The following ZNF469 variants were observed in gnomAD, a reference collection of about 807,000 sequenced individuals.
ZNF469 encodes zinc finger protein 469.
In ZNF469, 1 loss-of-function variant was observed where a neutral mutation model predicts 1.0. That is an observed-to-expected ratio of 1.00 (90% CI 0.35 to 4.73). The LOEUF (loss-of-function observed/expected upper bound fraction) is 4.73, where lower values mean the gene tolerates loss of function less well. Ranked by LOEUF, ZNF469 falls within the 30% of genes most tolerant of loss-of-function variation. ZNF469 has a pLI of 0.16. For missense variants in ZNF469, 6,100 were observed against 5,356.3 expected, an observed-to-expected ratio of 1.14 and a Z score of -4.33; for synonymous variants, 2,703 against 2,363.4, an observed-to-expected ratio of 1.14 and a Z score of -4.17.
chr16:88,117,141 A>T, the ZNF469 span, among the ~76,000 whole-genome samples: 2 of 150,242 alleles, frequency 1.3e-5, no homozygotes, highest in South Asian at 4.3e-4. Context: ...GGCCAGGGAT[A>T]TGTGAGAGCT....
At chr16:88,276,012 G>A in the ZNF469 span, among the ~76,000 whole-genome samples, 49 of 152,288 alleles carry the variant, frequency 3.2e-4, no homozygotes, top group African/African-American at 1.1e-3. Flanking sequence ...GGACCACAGC[G>A]CTGCAGTCCT....
At chr16:88,183,337 A>G in the ZNF469 span, among the ~76,000 whole-genome samples, 3 of 152,194 alleles carry the variant, frequency 2.0e-5, no homozygotes, top group African/African-American at 7.2e-5. Flanking sequence ...CGTCCCCACC[A>G]AACCTGCACG....
the ZNF469 span, among the ~76,000 whole-genome samples, chr16:88,242,301 T>G: frequency 6.6e-6 from 1 of 152,212 alleles, no homozygotes; most frequent in African/African-American, 2.4e-5. Context: ...AAATTCAAAA[T>G]GCATTCAAAA....
the ZNF469 span, among the ~76,000 whole-genome samples, chr16:88,240,248 C>G: frequency 6.6e-6 from 1 of 152,214 alleles, no homozygotes; most frequent in East Asian, 1.9e-4. Context: ...TTCACTTAGC[C>G]ACAGTGTGGC....
the ZNF469 span, among the ~76,000 whole-genome samples, chr16:88,267,739 G>A: frequency 4.7e-5 from 7 of 149,602 alleles, no homozygotes; most frequent in African/African-American, 1.8e-4. Flanking sequence ...AGTCCAGGAG[G>A]AGGCTGTACT....
At chr16:88,207,739 G>A in the ZNF469 span, among the ~76,000 whole-genome samples, 9 of 143,502 alleles carry the variant, frequency 6.3e-5, no homozygotes, top group Non-Finnish European at 1.3e-4. Context: ...CATCGCTCCC[G>A]TCCCCACCTT....
chr16:88,143,030 C>A, the ZNF469 span, among the ~76,000 whole-genome samples: 10 of 152,174 alleles, frequency 6.6e-5, no homozygotes, highest in Admixed American at 2.6e-4. Context: ...CCCCACCTCA[C>A]CGGCCTGTGA....
At chr16:88,119,478 A>G in the ZNF469 span, among the ~76,000 whole-genome samples, 8 of 152,270 alleles carry the variant, frequency 5.3e-5, no homozygotes, top group Admixed American at 2.6e-4. Flanking sequence ...TTGGTCACCA[A>G]TTTTCCTTCC....
chr16:88,235,801 G>T, the ZNF469 span, among the ~76,000 whole-genome samples: 10 of 152,212 alleles, frequency 6.6e-5, no homozygotes, highest in African/African-American at 2.2e-4. Context: ...AGCTCCAGGG[G>T]GTCCTGAGGA....
the ZNF469 span, among the ~76,000 whole-genome samples, chr16:88,202,711 T>C: frequency 6.6e-6 from 1 of 152,136 alleles, no homozygotes; most frequent in African/African-American, 2.4e-5. Context: ...TGGGGGCGCC[T>C]CACTCCTCAC....
chr16:88,137,803 G>A, the ZNF469 span, among the ~76,000 whole-genome samples: 6 of 152,192 alleles, frequency 3.9e-5, no homozygotes, highest in Non-Finnish European at 8.8e-5. Flanking sequence ...TGTTTGATAC[G>A]AGGCATGGTC....
the ZNF469 span, among the ~76,000 whole-genome samples, chr16:88,356,813 G>C: frequency 1.3e-5 from 2 of 152,228 alleles, no homozygotes; most frequent in South Asian, 4.1e-4. Flanking sequence ...AGCTCCCCGG[G>C]GCAGGAGCCG....
In ZNF469 at chr16:88,428,350, G is replaced by T. The variant is rs1249384522; in HGVS notation, c.880G>T (p.Gly294Trp). 1 of 1,549,362 alleles carries T rather than the reference G, an allele frequency of 6.5e-7. No individual in the cohort carries two copies. Residue 294 changes from glycine to tryptophan, a missense_variant, in exon 3 of 3, where the codon GGG becomes TGG. Transcript: ENST00000565624. Reference protein sequence around the residue: ...STKPFPADVAGHAFTNGPLVF... With the variant: ...STKPFPADVAWHAFTNGPLVF... ...AAAACCCTTCCCTGCGGATGTGGCT[G>T]GGCACGCATTCACCAATGGGCCACT...
At chr16:88,179,801 C>T in the ZNF469 span, among the ~76,000 whole-genome samples, 8 of 152,254 alleles carry the variant, frequency 5.3e-5, no homozygotes, top group Admixed American at 2.6e-4. Context: ...GAAGCAAAGA[C>T]GGGAAAAGTG....
the ZNF469 span, among the ~76,000 whole-genome samples, chr16:88,271,808 G>A: frequency 6.9e-5 from 10 of 145,128 alleles, no homozygotes; most frequent in Non-Finnish European, 1.4e-4. Flanking sequence ...AGGGCTCTCA[G>A]GGGTGGGTGG....
At chr16:88,340,760 G>C in the ZNF469 span, among the ~76,000 whole-genome samples, 2 of 142,550 alleles carry the variant, frequency 1.4e-5, no homozygotes, top group South Asian at 5.1e-4. Context: ...GGGAGGGTGG[G>C]TCAGAGGGGA....
At chr16:88,409,499 C>T (rs1033916229) in intron 1 of ZNF469, among the ~76,000 whole-genome samples, 36 of 152,148 alleles carry the variant, frequency 2.4e-4, no homozygotes, top group Non-Finnish European at 5.0e-4. Context: ...GGGTCACCCA[C>T]GTGCTCAGGG....
At chr16:88,401,223 T>C (rs970239985) in intron 1 of ZNF469, among the ~76,000 whole-genome samples, 3 of 152,232 alleles carry the variant, frequency 2.0e-5, no homozygotes, top group Admixed American at 6.5e-5. Flanking sequence ...CATTGGGGTA[T>C]GCAGAGCAGT....
chr16:88,250,260 T>C, the ZNF469 span, among the ~76,000 whole-genome samples: 1 of 152,226 alleles, frequency 6.6e-6, no homozygotes, highest in African/African-American at 2.4e-5. Flanking sequence ...TCTATCACCT[T>C]GAGTTAGTCT....
Sources: allele counts gnomAD v4.1 joint callset (sites outside exome capture counted in the v4.1 genomes callset), GRCh38; gene constraint gnomAD v4.1.1; transcripts MANE v1.5; gene names NCBI Gene and HGNC (gene_info 2026-07-23, HGNC 2026-07-21).